The following PLSCR2 variants were observed in gnomAD, a reference collection of about 807,000 sequenced individuals.
PLSCR2 encodes PL scramblase 2.
PLSCR2 carries 18 observed loss-of-function variants against 25.3 expected under a neutral mutation model. That is an observed-to-expected ratio of 0.71 (90% CI 0.49 to 1.06). PLSCR2 has a LOEUF of 1.06. Among genes scored for constraint, PLSCR2 ranks in the 50% least tolerant of loss-of-function variants. The pLI is 0.00. For missense variants in PLSCR2, 243 were observed against 269.5 expected (o/e 0.90, Z 0.69); for synonymous variants, 88 against 87.3 (o/e 1.01, Z -0.04).
At chr3:146,413,562 G>A (rs1219254538) in intron 2 of PLSCR2, among the ~76,000 whole-genome samples, 1 of 152,000 alleles carries the variant, frequency 6.6e-6, no homozygotes, top group Admixed American at 6.6e-5. Context: ...AAAGCTCAAG[G>A]GCATGGACAC....
chr3:146,414,777 C>A (rs1418713990), intron 2 of PLSCR2, among the ~76,000 whole-genome samples: 4 of 152,168 alleles, frequency 2.6e-5, no homozygotes, highest in African/African-American at 9.7e-5. Flanking sequence ...CTTCTATTAA[C>A]AAAATTTCTG....
chr3:146,491,309 G>A (rs935692212), intron 1 of PLSCR2, among the ~76,000 whole-genome samples: 28 of 151,798 alleles, frequency 1.8e-4, no homozygotes, highest in African/African-American at 5.6e-4. Context: ...CATTGACTTA[G>A]AAAACCTGAT....
intron 1 of PLSCR2, among the ~76,000 whole-genome samples, chr3:146,476,348 C>T (rs965652136): frequency 1.3e-5 from 2 of 152,224 alleles, no homozygotes; most frequent in Non-Finnish European, 2.9e-5. Context: ...TCATGCTACC[C>T]AGCCTGGGGA....
intron 6 of PLSCR2, among the ~76,000 whole-genome samples, chr3:146,445,946 T>C (rs2040529325): frequency 6.6e-6 from 1 of 152,228 alleles, no homozygotes; most frequent in Non-Finnish European, 1.5e-5. Flanking sequence ...TGATGCATTC[T>C]TCATTACATC....
At chr3:146,423,282 T>TCC (rs1553771116) in intron 2 of PLSCR2, among the ~76,000 whole-genome samples, 2,512 of 100,918 alleles carry the variant, frequency 0.025, 330 homozygotes, top group African/African-American at 0.057. Context: ...TCTCTCTCTC[T>TCC]CCCTGGCTAG....
At chr3:146,420,649 G>T (rs992522851) in intron 2 of PLSCR2, among the ~76,000 whole-genome samples, 1 of 152,034 alleles carries the variant, frequency 6.6e-6, no homozygotes, top group African/African-American at 2.4e-5. Context: ...ATATATTGCT[G>T]CTGGTGAACA....
chr3:146,465,112 C>T (rs1423024013), upstream of PLSCR2, among the ~76,000 whole-genome samples: 2 of 152,138 alleles, frequency 1.3e-5, no homozygotes, highest in African/African-American at 4.8e-5. Context: ...AAAGAAGTTC[C>T]CACTACTTTA....
At chr3:146,444,390 G>A (rs1454278822) in intron 6 of PLSCR2, among the ~76,000 whole-genome samples, 4 of 149,398 alleles carry the variant, frequency 2.7e-5, no homozygotes, top group Admixed American at 1.3e-4. Context: ...ATTGTATTGG[G>A]GTCTATTTCT....
At chr3:146,402,296 G>A (rs1453053471) in intron 2 of PLSCR2, among the ~76,000 whole-genome samples, 1 of 152,062 alleles carries the variant, frequency 6.6e-6, no homozygotes, top group Non-Finnish European at 1.5e-5. Context: ...CATGTGGACA[G>A]TAATTAAAAA....
At chr3:146,441,557 TA>T (rs1440147112), downstream of PLSCR2, among the ~76,000 whole-genome samples, 8 of 151,906 alleles carry the variant, frequency 5.3e-5, no homozygotes, top group African/African-American at 1.9e-4. Flanking sequence ...TCTAATAAAG[TA>T]TATAAAACAT....
chr3:146,438,285 C>T (rs537074271), downstream of PLSCR2, among the ~76,000 whole-genome samples: 41 of 152,194 alleles, frequency 2.7e-4, no homozygotes, highest in South Asian at 6.0e-3. Flanking sequence ...AGATGTCTAT[C>T]AGGTCTGCTT....
downstream of PLSCR2, among the ~76,000 whole-genome samples, chr3:146,431,125 G>A (rs1260207481): frequency 6.6e-6 from 1 of 152,136 alleles, no homozygotes; most frequent in African/African-American, 2.4e-5. Flanking sequence ...GGGAAAGGGT[G>A]GGAGCAAAGA....
chr3:146,465,381 A>C (rs1168487402), upstream of PLSCR2, among the ~76,000 whole-genome samples: 5 of 152,194 alleles, frequency 3.3e-5, no homozygotes, highest in Middle Eastern at 3.4e-3. Context: ...AAGGTCCTGA[A>C]AATTTTTTGT....
Position 146,486,504 on chromosome 3 carries a change from C to T in PLSCR2, c.-293+9391G>A, listed in dbSNP as rs183795393. On this transcript the variant is annotated intron_variant, in intron 1 of 8. Transcript: ENST00000336685. ...AAAGGGGATATCACCAATGACTCCA[C>T]AGAAATACAACAAACCATCAGAGAA... Among the ~76,000 whole-genome samples the T allele has an allele frequency of 2.6e-5, 4 of 151,868 alleles. No homozygotes were observed. In the East Asian group the frequency reaches 5.8e-4, roughly 22 times the overall value.
chr3:146,420,555 T>C (rs2039114016), intron 2 of PLSCR2, among the ~76,000 whole-genome samples: 2 of 152,044 alleles, frequency 1.3e-5, no homozygotes, highest in Non-Finnish European at 2.9e-5. Flanking sequence ...GCTGAATAAA[T>C]TGGTTGTCTT....
chr3:146,428,996 G>A (rs1033099014), downstream of PLSCR2, among the ~76,000 whole-genome samples: 21 of 152,296 alleles, frequency 1.4e-4, no homozygotes, highest in African/African-American at 4.8e-4. Flanking sequence ...ACCTTCTCAT[G>A]TCCCTGGACC....
At chr3:146,411,924 C>T (rs1000078391) in intron 2 of PLSCR2, among the ~76,000 whole-genome samples, 2 of 148,064 alleles carry the variant, frequency 1.4e-5, no homozygotes, top group South Asian at 2.1e-4. Flanking sequence ...TTGGGAATTG[C>T]GGATACAGCT....
At chr3:146,427,230 G>A (rs1199735965) in intron 2 of PLSCR2, among the ~76,000 whole-genome samples, 1 of 152,146 alleles carries the variant, frequency 6.6e-6, no homozygotes, top group Non-Finnish European at 1.5e-5. Flanking sequence ...GTTTTAGCAT[G>A]TTCAAAAAGA....
intron 2 of PLSCR2, among the ~76,000 whole-genome samples, chr3:146,416,143 G>A (rs1313160107): frequency 6.6e-6 from 1 of 151,744 alleles, no homozygotes; most frequent in Non-Finnish European, 1.5e-5. Flanking sequence ...GTAGAGACGG[G>A]GTTTCACCGT....
Sources: allele counts gnomAD v4.1 joint callset (sites outside exome capture counted in the v4.1 genomes callset), GRCh38; gene constraint gnomAD v4.1.1; transcripts MANE v1.5; gene names NCBI Gene and HGNC (gene_info 2026-07-23, HGNC 2026-07-21).